GABRG1: variants seen among roughly 807,000 people sequenced by gnomAD.
GABRG1 encodes the protein gamma-aminobutyric acid type A receptor subunit gamma1, also known as gamma-aminobutyric acid receptor subunit gamma-1.
A neutral mutation model predicts 49.8 loss-of-function variants in GABRG1; 49 were observed. The ratio of observed to expected loss-of-function variants is 0.98; its 90% CI spans 0.78 to 1.25. The LOEUF (loss-of-function observed/expected upper bound fraction) is 1.25. Ranked by LOEUF, GABRG1 falls within the 50% of genes most tolerant of loss-of-function variation. The pLI is 0.00. For synonymous variants in GABRG1, 232 were observed against 185.1 expected, an observed-to-expected ratio of 1.25 and a Z score of -2.06; for missense variants, 552 against 552.3, an observed-to-expected ratio of 1.00 and a Z score of 0.01.
chr4:46,073,501 G>GT lies in GABRG1; in HGVS notation c.322-7918dup, dbSNP rs550257898. ...TTCATACTTACCTTTCTTTTATCTT[G>GT]TTTTTTACTTTCATGGCATTTGTAT... On this transcript the variant is annotated intron_variant, in intron 3 of 8. Coordinates refer to ENST00000295452, the MANE Select transcript of GABRG1 (RefSeq NM_173536.4). Among the ~76,000 whole-genome samples the GT allele has an allele frequency of 1.1e-4, 16 of 152,056 alleles. No homozygotes were observed. In the South Asian group the frequency reaches 3.3e-3, roughly 32 times the overall value.
chr4:46,113,317 C>T (rs567955012), intron 1 of GABRG1, among the ~76,000 whole-genome samples: 21 of 151,104 alleles, frequency 1.4e-4, no homozygotes, highest in Non-Finnish European at 2.5e-4. Context: ...GTACCTTCCT[C>T]ACAAGGCAAC....
rs764488216 is a variant in GABRG1, at chr4:46,065,538, C to A, written c.368G>T (p.Arg123Leu). ...TTTCATGGTACTATTGAATTTTAAACGACTGTCAAACCAGGTTTGGGCAAA... is the reference window on the plus strand; with the variant it reads ...TTTCATGGTACTATTGAATTTTAAAAGACTGTCAAACCAGGTTTGGGCAAA... ...IIFAQTWFDS[R>L]LKFNSTMKVL... The change falls in exon 4 of 9, where the codon CGT (arginine) becomes CTT (leucine). Residue 123 changes from arginine (R) to leucine (L), a missense_variant. Arg to Leu is a moderately radical substitution (Grantham distance 102, BLOSUM62 -2). Transcript: ENST00000295452. 3 of 1,607,100 alleles carry A rather than the reference C, an allele frequency of 1.9e-6. No homozygotes were observed. The highest frequency in any genetic ancestry group is 1.7e-6 in the Non-Finnish European group (2 of 1,174,288).
intron 3 of GABRG1, among the ~76,000 whole-genome samples, chr4:46,074,245 G>T (rs1166145142): frequency 1.3e-5 from 2 of 152,120 alleles, no homozygotes; most frequent in East Asian, 3.9e-4. Flanking sequence ...TTTTCTTGAT[G>T]TCTGAATTAG....
At position 46,040,235 on chromosome 4, in the gene GABRG1, T is replaced by C. The variant is rs1208610418; in HGVS notation, c.*753A>G. The C allele has an allele frequency of 6.6e-6, 1 of 152,006 alleles. No individual in the cohort carries two copies. Among genetic ancestry groups the C allele is most frequent in the Non-Finnish European group, 1.5e-5 (1 of 67,904 alleles). The allele number at this position is 152,006 out of a possible 1,614,324, so 9.4% of individuals were successfully genotyped here. On this transcript the variant is annotated 3_prime_UTR_variant, in exon 9 of 9. Coordinates refer to ENST00000295452, the MANE Select transcript of GABRG1 (RefSeq NM_173536.4). ...ACCTCATCATACATTATAAATGCTATGAAGCAGAGAATAAAATGGTTAGAT... is the reference window on the plus strand; with the variant it reads ...ACCTCATCATACATTATAAATGCTACGAAGCAGAGAATAAAATGGTTAGAT...
At chr4:46,108,243 C>T (rs1720616165) in intron 1 of GABRG1, among the ~76,000 whole-genome samples, 1 of 150,960 alleles carries the variant, frequency 6.6e-6, no homozygotes, top group African/African-American at 2.4e-5. Context: ...AGGAAACAAG[C>T]ATTATGGCCT....
intron 2 of GABRG1, among the ~76,000 whole-genome samples, chr4:46,090,144 C>T (rs1327174514): frequency 1.3e-5 from 2 of 151,854 alleles, no homozygotes; most frequent in African/African-American, 2.4e-5. Context: ...GGACAGAAAG[C>T]GATACATACA....
chr4:46,069,188 C>A (rs1344014988), intron 3 of GABRG1, among the ~76,000 whole-genome samples: 1 of 151,998 alleles, frequency 6.6e-6, no homozygotes, highest in African/African-American at 2.4e-5. Flanking sequence ...TCAAGACCTG[C>A]CAAAGCAATT....
chr4:46,079,967 A>G (rs927934486), intron 3 of GABRG1, among the ~76,000 whole-genome samples: 1 of 151,918 alleles, frequency 6.6e-6, no homozygotes, highest in Admixed American at 6.6e-5. Context: ...GAAGATAGTT[A>G]TAATCAAACC....
At chr4:46,116,164 C>T (rs1188361002) in intron 1 of GABRG1, among the ~76,000 whole-genome samples, 1 of 150,862 alleles carries the variant, frequency 6.6e-6, no homozygotes, top group Non-Finnish European at 1.5e-5. Context: ...AACCACCCAT[C>T]CAATGAAATC....
intron 3 of GABRG1, 50 bp from the exon 4 acceptor site, chr4:46,065,634 T>A: frequency 1.2e-6 from 1 of 866,672 alleles, no homozygotes; most frequent in South Asian, 1.6e-5. Context: ...CTATTTTAGT[T>A]GTTTTTCTCG....
intron 3 of GABRG1, among the ~76,000 whole-genome samples, chr4:46,070,631 G>A (rs571891927): frequency 1.3e-5 from 2 of 152,018 alleles, no homozygotes; most frequent in Non-Finnish European, 2.9e-5. Flanking sequence ...CTGACTGATA[G>A]GTAGAGGGAT....
rs777957744 is a variant in GABRG1 at position 46,041,272 on chromosome 4, T to C, written c.1132-18A>G. On this transcript the variant is annotated intron_variant, in intron 8 of 8. Coordinates refer to ENST00000295452, the MANE Select transcript of GABRG1 (RefSeq NM_173536.4). ...GGAGTCATCTGAGCACAATAATAAATGAATTTTTGACATCAAAAAAGTAGC... is the reference window on the plus strand; with the variant it reads ...GGAGTCATCTGAGCACAATAATAAACGAATTTTTGACATCAAAAAAGTAGC... 7 of 1,604,456 alleles carry C rather than the reference T, an allele frequency of 4.4e-6. No individual in the cohort carries two copies. The South Asian group carries it at 5.5e-5, about 13-fold the overall frequency.
chr4:46,080,878 G>A (rs1719540843), intron 3 of GABRG1, among the ~76,000 whole-genome samples: 1 of 151,722 alleles, frequency 6.6e-6, no homozygotes, highest in South Asian at 2.1e-4. Context: ...CTCCACTAAA[G>A]AAGAAATATA....
At chr4:46,097,059 C>T in intron 2 of GABRG1, 142 bp downstream of exon 2, 2 of 676,196 alleles carry the variant, frequency 3.0e-6, no homozygotes, top group South Asian at 4.0e-5. Flanking sequence ...CATTAGTGAC[C>T]ATTCTAACCA....
At chr4:46,048,300 T>C (rs1560348276) in intron 8 of GABRG1, among the ~76,000 whole-genome samples, 1 of 151,092 alleles carries the variant, frequency 6.6e-6, no homozygotes, top group East Asian at 2.0e-4. Context: ...TGGATGGGCA[T>C]ATGAAACAAT....
chr4:46,098,093 A>G (rs954749665), intron 1 of GABRG1, among the ~76,000 whole-genome samples: 2 of 151,706 alleles, frequency 1.3e-5, no homozygotes, highest in Admixed American at 1.3e-4. Context: ...AAATAGCCAA[A>G]ACACAAATCT....
intron 1 of GABRG1, among the ~76,000 whole-genome samples, chr4:46,104,677 G>A (rs961676149): frequency 4.0e-5 from 6 of 151,190 alleles, no homozygotes; most frequent in African/African-American, 1.5e-4. Flanking sequence ...CATTCTAGTT[G>A]GGATTTTAAC....
At chr4:46,079,653 T>C (rs978502195) in intron 3 of GABRG1, among the ~76,000 whole-genome samples, 1 of 151,894 alleles carries the variant, frequency 6.6e-6, no homozygotes, top group East Asian at 1.9e-4. Flanking sequence ...TTTTTAGTGG[T>C]AGCTACTTTT....
intron 1 of GABRG1, among the ~76,000 whole-genome samples, chr4:46,099,107 T>A (rs942640228): frequency 9.9e-5 from 15 of 151,730 alleles, no homozygotes; most frequent in African/African-American, 3.6e-4. Context: ...TTATTAACAA[T>A]GTTTCTCCTC....
Sources: gnomAD v4.1 joint callset for allele counts (sites outside exome capture counted in the v4.1 genomes callset) on GRCh38, gnomAD v4.1.1 for gene constraint, MANE v1.5 for transcripts, NCBI Gene and HGNC (gene_info 2026-07-23, HGNC 2026-07-21) for gene names.